BRWD1: variants seen among roughly 807,000 people sequenced by gnomAD.
BRWD1 encodes bromodomain and WD repeat-containing protein 1.
BRWD1 carries 82 observed loss-of-function variants against 251.2 expected under a neutral mutation model. That is an observed-to-expected ratio of 0.33 (90% CI 0.27 to 0.39). BRWD1 has a LOEUF of 0.39. BRWD1 is among the 10% of genes least tolerant of loss of function. The pLI, the probability that BRWD1 is intolerant of heterozygous loss-of-function variation, is 1.00. For missense variants in BRWD1, 2,233 were observed against 2,711.6 expected, an observed-to-expected ratio of 0.82 and a Z score of 3.92; for synonymous variants, 918 against 902.8, an observed-to-expected ratio of 1.02 and a Z score of -0.30.
intron 38 of BRWD1, 113 bp downstream of exon 38, chr21:39,202,212 G>T: frequency 1.5e-6 from 1 of 678,408 alleles, no homozygotes; most frequent in Non-Finnish European, 2.4e-6. Context: ...TAAACTGTAA[G>T]TTCTTTCAGT....
chr21:39,317,219 T>C (rs894599390), upstream of BRWD1: 9 of 152,238 alleles, frequency 5.9e-5, no homozygotes, highest in African/African-American at 1.2e-4. Context: ...GGCAAGAATC[T>C]GTGTATTCCT....
In BRWD1 at chr21:39,213,537, T is replaced by A. The variant is rs1337065215; in HGVS notation, c.3802A>T (p.Asn1268Tyr). Reference sequence around the variant, plus strand: ...GATGTGTTAGAAAGTTCTGAGATATTTGTACAGTGTTGATTCCTAAAAAAC... The same window carrying A: ...GATGTGTTAGAAAGTTCTGAGATATATGTACAGTGTTGATTCCTAAAAAAC... The part of the protein sequence containing the change: ...LKFIKNQHCT[N>Y]ISELSNTSEN... Residue 1268 changes from asparagine to tyrosine, a missense_variant, in exon 33 of 41, where the codon AAT becomes TAT. Transcript: ENST00000342449. The A allele has an allele frequency of 6.2e-7, 1 of 1,610,794 alleles. No individual in the cohort carries two copies. Among genetic ancestry groups the A allele is most frequent in the Non-Finnish European group, 8.5e-7 (1 of 1,178,448 alleles).
chr21:39,296,221 T>A (rs2035958790), intron 6 of BRWD1, 44 bp downstream of exon 6: 15 of 1,468,308 alleles, frequency 1.0e-5, no homozygotes, highest in Non-Finnish European at 1.4e-5. Flanking sequence ...TTGAGAAATT[T>A]AAAAACAATT....
chr21:39,306,786 CTTATTTA>C (rs1276419944), intron 4 of BRWD1, among the ~76,000 whole-genome samples: 1 of 152,160 alleles, frequency 6.6e-6, no homozygotes, highest in African/African-American at 2.4e-5. Context: ...AAGTACAAAT[CTTATTTA>C]TAAATCCAGA....
intron 5 of BRWD1, chr21:39,296,886 GAA>G: frequency 1.0e-6 from 1 of 983,178 alleles, no homozygotes; most frequent in African/African-American, 1.7e-5. Context: ...CTTTTATAAG[GAA>G]AAAGTTCTTT....
At chr21:39,211,029 G>C in intron 34 of BRWD1, 100 bp from the exon 35 acceptor site, 1 of 1,191,156 alleles carries the variant, frequency 8.4e-7, no homozygotes, top group Non-Finnish European at 1.2e-6. Flanking sequence ...ATACAATAAT[G>C]TCATATATGT....
chr21:39,313,022 A>T, intron 3 of BRWD1, 50 bp downstream of exon 3: 2 of 1,259,790 alleles, frequency 1.6e-6, no homozygotes, highest in Non-Finnish European at 2.0e-6. Context: ...CCCTCAGGGC[A>T]AGGTCGGCAG....
At chr21:39,313,213 C>A in intron 2 of BRWD1, 28 bp downstream of exon 2, 1 of 1,521,296 alleles carries the variant, frequency 6.6e-7, no homozygotes, top group Non-Finnish European at 8.9e-7. Flanking sequence ...GACGCCAAGT[C>A]CGCAGCCGCC....
chr21:39,299,165 G>A lies in BRWD1; in HGVS notation c.199-583C>T, dbSNP rs530624191. On this transcript the variant is annotated intron_variant, in intron 4 of 40. Coordinates refer to ENST00000342449, the MANE Select transcript of BRWD1 (RefSeq NM_033656.4). ...TTGAACCCAGGAGGTGGAGGTTGCA[G>A]TGAGCTGGGATCGTGCCATTGCACT... Among the ~76,000 whole-genome samples the A allele has an allele frequency of 3.3e-5, 5 of 152,164 alleles. No homozygotes were observed. In the East Asian group the frequency reaches 9.6e-4, roughly 29 times the overall value.
intron 4 of BRWD1, among the ~76,000 whole-genome samples, chr21:39,300,098 C>T (rs575536940): frequency 6.6e-6 from 1 of 152,322 alleles, no homozygotes; most frequent in African/African-American, 2.4e-5. Flanking sequence ...CTCTAACAAA[C>T]TTAATGGCTA....
At chr21:39,281,120 T>C (rs2035442864) in intron 8 of BRWD1, among the ~76,000 whole-genome samples, 1 of 152,238 alleles carries the variant, frequency 6.6e-6, no homozygotes, top group Non-Finnish European at 1.5e-5. Context: ...AAAGTGTTCA[T>C]TTCTCAAAGT....
At chr21:39,184,765 A>G (rs1301386912), downstream of BRWD1, 1 of 152,210 alleles carries the variant, frequency 6.6e-6, no homozygotes, top group Non-Finnish European at 1.5e-5. Context: ...AGCCAGTAAG[A>G]GCTTAGGAAA....
At chr21:39,313,351 C>CGGGGCCCGG (rs747895801) in intron 1 of BRWD1, 52 bp from the exon 2 acceptor site, 1 of 1,446,510 alleles carries the variant, frequency 6.9e-7, no homozygotes, top group Non-Finnish European at 9.3e-7. Context: ...GGGAGGGGGA[C>CGGGGCCCGG]GGGGCCAGGG....
intron 18 of BRWD1, 33 bp downstream of exon 18, chr21:39,258,453 AT>A: frequency 6.7e-7 from 1 of 1,490,396 alleles, no homozygotes. Flanking sequence ...CAATGCAGCC[AT>A]ATTCAGGTAA....
At chr21:39,261,239 T>A (rs1278714149) in intron 17 of BRWD1, among the ~76,000 whole-genome samples, 1 of 152,108 alleles carries the variant, frequency 6.6e-6, no homozygotes, top group Non-Finnish European at 1.5e-5. Flanking sequence ...AAAATTTTTT[T>A]AATTAAATAC....
chr21:39,243,044 G>C (rs963046254), intron 21 of BRWD1, among the ~76,000 whole-genome samples: 3 of 152,100 alleles, frequency 2.0e-5, no homozygotes, highest in South Asian at 4.1e-4. Flanking sequence ...ATGGATCAAG[G>C]AGTAAATCCA....
At chr21:39,294,069 A>G in intron 7 of BRWD1, 37 bp from the exon 8 acceptor site, 1 of 1,538,666 alleles carries the variant, frequency 6.5e-7, no homozygotes, top group Non-Finnish European at 8.9e-7. Flanking sequence ...ATGTTAGTAC[A>G]GCAAATCTTT....
intron 38 of BRWD1, 171 bp from the exon 39 acceptor site, chr21:39,200,557 T>C (rs2032057683): frequency 3.9e-6 from 2 of 510,176 alleles, no homozygotes; most frequent in South Asian, 8.3e-5. Context: ...CTGATGAAAT[T>C]TGGAGTATTA....
intron 21 of BRWD1, among the ~76,000 whole-genome samples, chr21:39,245,720 CTCCCA>C (rs2034165069): frequency 6.6e-6 from 1 of 151,882 alleles, no homozygotes; most frequent in Admixed American, 6.6e-5. Context: ...CTGCCTCAGC[CTCCCA>C]AATAGCTGGG....
Sources: gnomAD v4.1 joint callset for allele counts (sites outside exome capture counted in the v4.1 genomes callset) on GRCh38, gnomAD v4.1.1 for gene constraint, MANE v1.5 for transcripts, NCBI Gene and HGNC (gene_info 2026-07-23, HGNC 2026-07-21) for gene names.